The following DSCAM variants were observed in gnomAD, a reference collection of about 807,000 sequenced individuals.
The protein encoded by DSCAM is cell adhesion molecule DSCAM.
Under a neutral mutation model 217.7 loss-of-function variants are expected in DSCAM, and 47 were observed. The ratio of observed to expected loss-of-function variants is 0.22; its 90% CI spans 0.17 to 0.28. The LOEUF is 0.28. Ranked by LOEUF, DSCAM falls within the 10% of genes least tolerant of loss-of-function variation. DSCAM has a pLI of 1.00. For synonymous variants in DSCAM, 1,056 were observed against 1,015.3 expected (o/e 1.04, Z -0.76); for missense variants, 2,080 against 2,618.3 (o/e 0.79, Z 4.49).
At chr21:40,786,448 C>T (rs1298558390) in intron 1 of DSCAM, among the ~76,000 whole-genome samples, 3 of 152,152 alleles carry the variant, frequency 2.0e-5, no homozygotes, top group Admixed American at 6.5e-5. Context: ...GCAGCATCAG[C>T]AGCACACGGG....
At chr21:40,463,401 C>A (rs923756569) in intron 3 of DSCAM, among the ~76,000 whole-genome samples, 1 of 152,126 alleles carries the variant, frequency 6.6e-6, no homozygotes, top group African/African-American at 2.4e-5. Flanking sequence ...CTGCTCATAC[C>A]GAGACCACCC....
Position 40,157,385 on chromosome 21 carries a change from G to A in DSCAM, c.3018+9833C>T, listed in dbSNP as rs368384803. On this transcript the variant is annotated intron_variant, in intron 16 of 32. Transcript: ENST00000400454. ...GGTAGAACTTACTGGGTGTGCTGCA[G>A]GTCCAAGGCAGGGTGGGAAGGAGAG... is the stretch of plus-strand genomic sequence containing the variant. 1.7e-4 allele frequency among the ~76,000 whole-genome samples: 26 copies of A among 152,322 alleles called. No homozygotes were observed. The East Asian group carries it at 3.9e-3, about 23-fold the overall frequency.
chr21:40,289,560 A>G (rs1479115181), intron 10 of DSCAM, among the ~76,000 whole-genome samples: 5 of 152,218 alleles, frequency 3.3e-5, no homozygotes, highest in African/African-American at 9.6e-5. Flanking sequence ...GTATAGACAC[A>G]TAAGATATGT....
chr21:40,131,501 C>T (rs143890648), intron 19 of DSCAM, among the ~76,000 whole-genome samples: 2,826 of 152,320 alleles, frequency 0.019, 80 homozygotes, highest in African/African-American at 0.058. Context: ...TCTCAGCTCA[C>T]TGCAGCCTCT....
At chr21:40,165,343 T>C (rs1055694954) in intron 16 of DSCAM, among the ~76,000 whole-genome samples, 1 of 152,206 alleles carries the variant, frequency 6.6e-6, no homozygotes, top group Non-Finnish European at 1.5e-5. Flanking sequence ...AACAGGCCGA[T>C]GTGAAATGCT....
intron 1 of DSCAM, among the ~76,000 whole-genome samples, chr21:40,809,740 A>C (rs2123536604): frequency 6.6e-6 from 1 of 152,252 alleles, no homozygotes; most frequent in Non-Finnish European, 1.5e-5. Context: ...TTTAACAATT[A>C]TTTGCTGAAT....
chr21:40,689,612 G>C (rs1483012363), intron 3 of DSCAM, among the ~76,000 whole-genome samples: 2 of 152,170 alleles, frequency 1.3e-5, no homozygotes, highest in African/African-American at 4.8e-5. Context: ...TTTCTCCATG[G>C]AAAGAATCAA....
At chr21:40,571,880 G>A (rs182412039) in intron 3 of DSCAM, among the ~76,000 whole-genome samples, 78 of 152,288 alleles carry the variant, frequency 5.1e-4, no homozygotes, top group Non-Finnish European at 7.6e-4. Context: ...GTGAGCCACT[G>A]CACCTGGCCC....
At chr21:40,581,553 C>G (rs999723446) in intron 3 of DSCAM, among the ~76,000 whole-genome samples, 38 of 152,106 alleles carry the variant, frequency 2.5e-4, no homozygotes, top group African/African-American at 9.2e-4. Flanking sequence ...TCACTTCCTC[C>G]CAGGTGTGAG....
At chr21:40,603,722 G>A (rs1306099708) in intron 3 of DSCAM, among the ~76,000 whole-genome samples, 1 of 151,902 alleles carries the variant, frequency 6.6e-6, no homozygotes, top group Non-Finnish European at 1.5e-5. Context: ...TGTTGCTGTT[G>A]TTACTGTTGT....
chr21:40,187,630 T>C (rs574335501), intron 13 of DSCAM, among the ~76,000 whole-genome samples: 1 of 152,360 alleles, frequency 6.6e-6, no homozygotes, highest in South Asian at 2.1e-4. Flanking sequence ...TGTACTTGTG[T>C]GCATGTGGCT....
At chr21:40,420,367 C>G (rs577876269) in intron 3 of DSCAM, among the ~76,000 whole-genome samples, 92 of 152,216 alleles carry the variant, frequency 6.0e-4, no homozygotes, top group African/African-American at 2.2e-3. Flanking sequence ...GTATCAAAAG[C>G]CTCTACATTT....
chr21:40,128,175 C>T (rs553480407), intron 19 of DSCAM, among the ~76,000 whole-genome samples: 6 of 150,304 alleles, frequency 4.0e-5, no homozygotes, highest in Admixed American at 2.0e-4. Context: ...CAAACCCCAC[C>T]ATGCCCATCC....
intron 8 of DSCAM, among the ~76,000 whole-genome samples, chr21:40,313,142 A>G (rs2074158592): frequency 6.6e-6 from 1 of 152,040 alleles, no homozygotes; most frequent in Non-Finnish European, 1.5e-5. Flanking sequence ...AAAAAGTAAA[A>G]TAAATATTCC....
chr21:40,298,373 G>T (rs1477923889), intron 9 of DSCAM, among the ~76,000 whole-genome samples: 3 of 152,132 alleles, frequency 2.0e-5, no homozygotes, highest in East Asian at 3.9e-4. Flanking sequence ...GAGCCACTGC[G>T]CACGGCCTGA....
At chr21:40,680,609 T>C (rs553953027) in intron 3 of DSCAM, among the ~76,000 whole-genome samples, 2 of 152,374 alleles carry the variant, frequency 1.3e-5, no homozygotes, top group South Asian at 4.1e-4. Flanking sequence ...ACATTTTGAC[T>C]CTGCTCTACT....
chr21:40,607,445 G>A (rs1410201476), intron 3 of DSCAM, among the ~76,000 whole-genome samples: 3 of 148,936 alleles, frequency 2.0e-5, no homozygotes, highest in Non-Finnish European at 4.4e-5. Context: ...ATCTTTTCAG[G>A]GATTTCATCT....
chr21:40,771,772 T>C (rs940317933), intron 1 of DSCAM, among the ~76,000 whole-genome samples: 2 of 152,248 alleles, frequency 1.3e-5, no homozygotes, highest in Non-Finnish European at 2.9e-5. Flanking sequence ...ATGCTATTGT[T>C]ACAGCCTCAA....
chr21:40,509,676 A>G (rs1279260971), intron 3 of DSCAM, among the ~76,000 whole-genome samples: 1 of 152,266 alleles, frequency 6.6e-6, no homozygotes, highest in Non-Finnish European at 1.5e-5. Flanking sequence ...TTTCTATGAA[A>G]GAACTCATAT....
Sources: gnomAD v4.1 joint callset for allele counts (sites outside exome capture counted in the v4.1 genomes callset) on GRCh38, gnomAD v4.1.1 for gene constraint, MANE v1.5 for transcripts, NCBI Gene and HGNC (gene_info 2026-07-23, HGNC 2026-07-21) for gene names.